PTPRN2: variants seen among roughly 807,000 people sequenced by gnomAD.
PTPRN2 encodes receptor-type tyrosine-protein phosphatase N2.
Under a neutral mutation model 118.8 loss-of-function variants are expected in PTPRN2, and 74 were observed. The ratio of observed to expected loss-of-function variants is 0.62; its 90% CI spans 0.52 to 0.76. The LOEUF (loss-of-function observed/expected upper bound fraction) is 0.76. Ranked by LOEUF, PTPRN2 falls within the 30% of genes least tolerant of loss-of-function variation. The pLI is 0.00. For missense variants in PTPRN2, 1,481 were observed against 1,394.4 expected, an observed-to-expected ratio of 1.06 and a Z score of -0.99; for synonymous variants, 641 against 608.0, an observed-to-expected ratio of 1.05 and a Z score of -0.80.
At chr7:158,447,217 G>A (rs189008785) in intron 2 of PTPRN2, among the ~76,000 whole-genome samples, 38 of 152,264 alleles carry the variant, frequency 2.5e-4, no homozygotes, top group African/African-American at 8.9e-4. Context: ...TAGCTCCCCA[G>A]ACAACACTCG....
chr7:157,960,158 T>C (rs892300863), intron 11 of PTPRN2, among the ~76,000 whole-genome samples: 1 of 101,360 alleles, frequency 9.9e-6, no homozygotes, highest in African/African-American at 3.8e-5. Flanking sequence ...AGTGGAACGG[T>C]GGGTACCAGG....
At chr7:158,278,910 T>C (rs992621231) in intron 3 of PTPRN2, among the ~76,000 whole-genome samples, 1 of 152,128 alleles carries the variant, frequency 6.6e-6, no homozygotes, top group Non-Finnish European at 1.5e-5. Flanking sequence ...TTACAGCTCA[T>C]AAAGGTAGCA....
intron 11 of PTPRN2, among the ~76,000 whole-genome samples, chr7:158,063,063 A>G (rs1810477938): frequency 6.6e-6 from 1 of 152,350 alleles, no homozygotes; most frequent in East Asian, 1.9e-4. Flanking sequence ...GAGAACATTT[A>G]TCTCTAGCTA....
intron 11 of PTPRN2, among the ~76,000 whole-genome samples, chr7:157,935,638 G>C (rs552145763): frequency 2.0e-5 from 3 of 152,218 alleles, no homozygotes; most frequent in Admixed American, 1.3e-4. Context: ...CTTCTTTATG[G>C]GTCCTAATGT....
chr7:158,144,363 C>T (rs146038696), intron 6 of PTPRN2, among the ~76,000 whole-genome samples: 12 of 152,246 alleles, frequency 7.9e-5, no homozygotes, highest in East Asian at 3.9e-4. Context: ...ATCAGCCGGA[C>T]GCGGTGGCTC....
chr7:158,133,780 G>GCTC lies in PTPRN2; in HGVS notation c.1450_1452dup (p.Glu484dup), dbSNP rs762312247. 1.9e-6 allele frequency: 3 copies of GCTC among 1,613,978 alleles called. No individual in the cohort carries two copies. The highest frequency in any genetic ancestry group is 2.5e-6 in the Non-Finnish European group (3 of 1,180,036). On this transcript the variant is annotated inframe_insertion, in exon 9 of 23. Transcript: ENST00000389418. ...TCCTGAGCACCCGCTGGAAGGCTCT[G>GCTC]CTCCTCCTTCGAGGGCCCAGGCATC...
chr7:157,816,551 G>A (rs567846605), intron 12 of PTPRN2, among the ~76,000 whole-genome samples: 1 of 152,332 alleles, frequency 6.6e-6, no homozygotes, highest in South Asian at 2.1e-4. Flanking sequence ...TTAAGATTTC[G>A]GGGATGTGTT....
chr7:158,153,354 G>A, intron 6 of PTPRN2, among the ~76,000 whole-genome samples: 1 of 152,138 alleles, frequency 6.6e-6, no homozygotes, highest in African/African-American at 2.4e-5. Context: ...ATAAGGAAGG[G>A]GTCTGATTGA....
chr7:158,038,774 CATA>C (rs1181848417), intron 11 of PTPRN2, among the ~76,000 whole-genome samples: 2 of 120,222 alleles, frequency 1.7e-5, no homozygotes, highest in African/African-American at 3.4e-5. Context: ...TAAGATTATA[CATA>C]ATATGTAAAA....
chr7:158,438,362 T>G lies in PTPRN2; in HGVS notation c.163+51373A>C, dbSNP rs1353534211. Among the ~76,000 whole-genome samples, 1 of 149,432 alleles carries G rather than the reference T, an allele frequency of 6.7e-6. No homozygotes were observed. The highest frequency in any genetic ancestry group is 1.5e-5 in the Non-Finnish European group (1 of 67,498). On this transcript the variant is annotated intron_variant, in intron 2 of 22. Transcript: ENST00000389418. The surrounding 1 kb of genome is among the most constrained non-coding windows in gnomAD (Gnocchi z 4.7). ...CTGGGCAACAGAGTGGGACTCCATC[T>G]CAAAAAAAAAAAAGAAAAAGTTTTA...
intron 5 of PTPRN2, among the ~76,000 whole-genome samples, chr7:158,184,559 G>A (rs1012238044): frequency 1.3e-5 from 2 of 152,078 alleles, no homozygotes; most frequent in Admixed American, 1.3e-4. Flanking sequence ...TTATTGCACT[G>A]GCTAAGATCT....
At chr7:157,662,025 G>T (rs149702305) in intron 13 of PTPRN2, among the ~76,000 whole-genome samples, 1 of 152,124 alleles carries the variant, frequency 6.6e-6, no homozygotes, top group Non-Finnish European at 1.5e-5. Context: ...ACCTAACTTT[G>T]GTTCTTTTCC....
In PTPRN2 at chr7:158,210,405, A is replaced by G. The variant is rs533261337; in HGVS notation, c.278-5132T>C. ...CCGCCTCGGCCTCCCAAAGTGATGCATCTTAAAGAACTAGAAAAGCAAGAG... is the reference window on the plus strand; with the variant it reads ...CCGCCTCGGCCTCCCAAAGTGATGCGTCTTAAAGAACTAGAAAAGCAAGAG... On this transcript the variant is annotated intron_variant, in intron 3 of 22. Coordinates refer to ENST00000389418, the MANE Select transcript of PTPRN2 (RefSeq NM_002847.5). 3.3e-5 allele frequency among the ~76,000 whole-genome samples: 5 copies of G among 152,280 alleles called. 1 individual carries two copies. In the South Asian group the frequency reaches 1.0e-3, roughly 32 times the overall value.
At chr7:157,809,564 G>A (rs1022593226) in intron 12 of PTPRN2, among the ~76,000 whole-genome samples, 1 of 152,206 alleles carries the variant, frequency 6.6e-6, no homozygotes, top group Admixed American at 6.5e-5. Flanking sequence ...CTCTGTGGAT[G>A]GAGTTAGTAA....
chr7:158,215,038 AC>A (rs1827862845), intron 3 of PTPRN2, among the ~76,000 whole-genome samples: 1 of 152,342 alleles, frequency 6.6e-6, no homozygotes, highest in Admixed American at 6.5e-5. Context: ...ACAGAAACCA[AC>A]ACTGAGATGA....
At position 158,305,703 on chromosome 7, in the gene PTPRN2, A is replaced by C. The variant is rs372585798; in HGVS notation, c.277+11116T>G. Among the ~76,000 whole-genome samples the C allele has an allele frequency of 4.6e-5, 7 of 152,262 alleles. 1 individual carries two copies. In the South Asian group the frequency reaches 1.2e-3, roughly 27 times the overall value. ...TAAACATTCCCTCCTTCATAAAAGC[A>C]ATGAGAAAACCACCCAAAAATATCA... On this transcript the variant is annotated intron_variant, in intron 3 of 22. Coordinates refer to ENST00000389418, the MANE Select transcript of PTPRN2 (RefSeq NM_002847.5).
At chr7:157,999,560 C>T (rs1353632081) in intron 11 of PTPRN2, among the ~76,000 whole-genome samples, 24 of 152,196 alleles carry the variant, frequency 1.6e-4, no homozygotes, top group Admixed American at 1.6e-3. Flanking sequence ...GGACCTGCTC[C>T]CTGGCTGGAC....
At chr7:158,280,218 T>G (rs1484348745) in intron 3 of PTPRN2, among the ~76,000 whole-genome samples, 1 of 152,204 alleles carries the variant, frequency 6.6e-6, no homozygotes, top group African/African-American at 2.4e-5. Context: ...TTCAAGCACA[T>G]CTGGTTTTCC....
At position 157,603,751 on chromosome 7, in the gene PTPRN2, T is replaced by C. The variant is rs528588104; in HGVS notation, c.2418+251A>G. Among the ~76,000 whole-genome samples the C allele has an allele frequency of 2.0e-5, 3 of 152,230 alleles. No homozygotes were observed. The highest frequency in any genetic ancestry group is 1.9e-4 in the East Asian group (1 of 5,172). On this transcript the variant is annotated intron_variant, in intron 16 of 22. Coordinates refer to ENST00000389418, the MANE Select transcript of PTPRN2 (RefSeq NM_002847.5). This position sits in a 1 kb window ranked among gnomAD's most constrained non-coding sequence, Gnocchi z 5.4. ...TAGTCAGGAAACTGTCCAGTCACCATTGCTGGATGTTCTACAAGTCACGGA... is the reference window on the plus strand; with the variant it reads ...TAGTCAGGAAACTGTCCAGTCACCACTGCTGGATGTTCTACAAGTCACGGA...
Sources: allele counts gnomAD v4.1 joint callset (sites outside exome capture counted in the v4.1 genomes callset), GRCh38; gene constraint gnomAD v4.1.1; non-coding constraint Gnocchi (gnomAD v3.1); transcripts MANE v1.5; gene names NCBI Gene and HGNC (gene_info 2026-07-23, HGNC 2026-07-21).